The following ATG5 variants were observed in gnomAD, a reference collection of about 807,000 sequenced individuals.
ATG5 encodes autophagy related 5, also known as autophagy protein 5.
ATG5 carries 14 observed loss-of-function variants against 36.5 expected under a neutral mutation model. The observed-to-expected ratio is 0.38, with a 90% CI of 0.25 to 0.60. The LOEUF (loss-of-function observed/expected upper bound fraction) is 0.60. Among genes scored for constraint, ATG5 ranks in the 20% least tolerant of loss-of-function variants. The pLI is 0.60. For missense variants in ATG5, 195 were observed against 326.7 expected, an observed-to-expected ratio of 0.60 and a Z score of 3.11; for synonymous variants, 95 against 101.5, an observed-to-expected ratio of 0.94 and a Z score of 0.38.
chr6:106,194,646 TC>T (rs1776106669), intron 7 of ATG5, among the ~76,000 whole-genome samples: 1 of 152,080 alleles, frequency 6.6e-6, no homozygotes, highest in Admixed American at 6.6e-5. Context: ...CAACCAATTC[TC>T]CTGCCTCAGC....
At chr6:106,274,175 C>G (rs1779558089) in intron 5 of ATG5, among the ~76,000 whole-genome samples, 1 of 152,136 alleles carries the variant, frequency 6.6e-6, no homozygotes, top group African/African-American at 2.4e-5. Context: ...TAGATTTCCT[C>G]AAATCACTAG....
intron 4 of ATG5, among the ~76,000 whole-genome samples, chr6:106,287,274 A>G (rs1780116625): frequency 6.6e-6 from 1 of 152,224 alleles, no homozygotes; most frequent in Non-Finnish European, 1.5e-5. Context: ...CCTAGCAAGA[A>G]AAAACTTGTC....
At chr6:106,239,180 A>G (rs765346738) in intron 6 of ATG5, among the ~76,000 whole-genome samples, 1 of 152,184 alleles carries the variant, frequency 6.6e-6, no homozygotes, top group African/African-American at 2.4e-5. Flanking sequence ...AAAAGTTTGT[A>G]AAAACACAAT....
At chr6:106,277,968 A>C (rs1779728124) in intron 5 of ATG5, among the ~76,000 whole-genome samples, 1 of 152,168 alleles carries the variant, frequency 6.6e-6, no homozygotes, top group South Asian at 2.1e-4. Flanking sequence ...TTTTAGAGAC[A>C]GGGTCTCACT....
intron 5 of ATG5, among the ~76,000 whole-genome samples, chr6:106,250,833 A>T (rs999601312): frequency 6.6e-6 from 1 of 152,240 alleles, no homozygotes; most frequent in African/African-American, 2.4e-5. Flanking sequence ...TATCAATTGT[A>T]TGACTCTCTT....
intron 1 of ATG5, among the ~76,000 whole-genome samples, chr6:106,319,750 T>C (rs1483988761): frequency 6.6e-6 from 1 of 152,336 alleles, no homozygotes; most frequent in Non-Finnish European, 1.5e-5. Context: ...TGTAATAGAT[T>C]CCGTTAGGGA....
At chr6:106,195,808 T>TTAAAAAA (rs1238310122) in intron 7 of ATG5, among the ~76,000 whole-genome samples, 18 of 91,368 alleles carry the variant, frequency 2.0e-4, no homozygotes, top group South Asian at 4.2e-4. Context: ...TGCTCCCCTC[T>TTAAAAAA]AAAAAAAAAA....
intron 1 of ATG5, among the ~76,000 whole-genome samples, chr6:106,318,524 C>T (rs536524805): frequency 1.3e-5 from 2 of 152,148 alleles, no homozygotes; most frequent in Non-Finnish European, 2.9e-5. Context: ...GCAAAGTTTA[C>T]CAAAGTTCTA....
Position 106,202,075 on chromosome 6 carries a change from T to G in ATG5, c.588A>C (p.Arg196Ser), listed in dbSNP as rs772578622. Residue 196 changes from arginine to serine, a missense_variant, in exon 7 of 8, where the codon AGA becomes AGC. Physicochemically the swap from Arg to Ser is moderately radical, Grantham distance 110. Transcript: ENST00000369076. The part of the protein sequence containing the change: ...PFRIYQTTTE[R>S]PFIQKLFRPV... ...GACGAAACAGCTTCTGAATGAAAGG[T>G]CTTTCAGTCGTTGTCTATTTGAAAA... 4 of 1,613,790 alleles carry G rather than the reference T, an allele frequency of 2.5e-6. No individual in the cohort carries two copies. The South Asian group carries it at 4.4e-5, about 18-fold the overall frequency.
At chr6:106,249,824 T>C (rs1778495801) in intron 5 of ATG5, among the ~76,000 whole-genome samples, 1 of 152,232 alleles carries the variant, frequency 6.6e-6, no homozygotes, top group African/African-American at 2.4e-5. Flanking sequence ...AAGAAGTATC[T>C]CATTGTGGTT....
chr6:106,260,084 AC>A (rs1192408775), intron 5 of ATG5, among the ~76,000 whole-genome samples: 1 of 152,134 alleles, frequency 6.6e-6, no homozygotes, highest in Non-Finnish European at 1.5e-5. Context: ...AGGGCAGGGA[AC>A]ATCACACACT....
rs189744426 is a variant in ATG5 at position 106,238,960 on chromosome 6, A to G, written c.573+9190T>C. ...ACCCAATAACTTCATCAAACTAGCA[A>G]ATAACTTAGTATCATTTCTAATTAG... On this transcript the variant is annotated intron_variant, in intron 6 of 7. Transcript: ENST00000369076. 2.0e-3 allele frequency among the ~76,000 whole-genome samples: 300 copies of G among 152,308 alleles called. 3 individuals carry two copies. Among genetic ancestry groups the G allele is most frequent in the Non-Finnish European group, 3.3e-3 (223 of 68,026 alleles).
intron 6 of ATG5, among the ~76,000 whole-genome samples, chr6:106,204,678 T>A (rs1582546016): frequency 6.6e-6 from 1 of 152,084 alleles, no homozygotes; most frequent in African/African-American, 2.4e-5. Flanking sequence ...AAAGTGGCAG[T>A]TTTTCCTGCA....
intron 5 of ATG5, among the ~76,000 whole-genome samples, chr6:106,274,931 G>A (rs934924465): frequency 6.6e-6 from 1 of 152,126 alleles, no homozygotes; most frequent in Non-Finnish European, 1.5e-5. Flanking sequence ...TGCCTAAATG[G>A]ACAAAAGGTC....
chr6:106,225,297 T>C (rs1400980459), intron 6 of ATG5, among the ~76,000 whole-genome samples: 1 of 152,214 alleles, frequency 6.6e-6, no homozygotes, highest in Non-Finnish European at 1.5e-5. Context: ...TGTCAAAGAT[T>C]CAATTCATTC....
chr6:106,198,654 G>A (rs1776295976), intron 7 of ATG5, among the ~76,000 whole-genome samples: 1 of 152,104 alleles, frequency 6.6e-6, no homozygotes, highest in African/African-American at 2.4e-5. Context: ...GCAGGCACCT[G>A]TAATCCCAGC....
chr6:106,230,153 A>G (rs1248742293), intron 6 of ATG5, among the ~76,000 whole-genome samples: 1 of 152,226 alleles, frequency 6.6e-6, no homozygotes, highest in Admixed American at 6.5e-5. Flanking sequence ...ACTCTTGTGG[A>G]AGCAGAGTTA....
intron 1 of ATG5, 32 bp from the exon 2 acceptor site, chr6:106,316,298 C>A: frequency 1.2e-6 from 1 of 866,172 alleles, no homozygotes; most frequent in Non-Finnish European, 1.8e-6. Flanking sequence ...TTAGTCAGAT[C>A]CTTGCAACGA....
chr6:106,203,818 A>C (rs1449459926), intron 6 of ATG5, among the ~76,000 whole-genome samples: 1 of 152,190 alleles, frequency 6.6e-6, no homozygotes, highest in Non-Finnish European at 1.5e-5. Context: ...TAAGAATATG[A>C]CTTCAAACAC....
Sources: allele counts gnomAD v4.1 joint callset (sites outside exome capture counted in the v4.1 genomes callset), GRCh38; gene constraint gnomAD v4.1.1; transcripts MANE v1.5; gene names NCBI Gene and HGNC (gene_info 2026-07-23, HGNC 2026-07-21).